Variants in PRDM16 observed in about 807,000 individuals in gnomAD.
PRDM16 encodes the protein histone-lysine N-methyltransferase PRDM16.
Under a neutral mutation model 110.6 loss-of-function variants are expected in PRDM16, and 23 were observed. That is an observed-to-expected ratio of 0.21 (90% confidence interval 0.15 to 0.29). The LOEUF is 0.29. PRDM16 is among the 10% of genes least tolerant of loss of function. PRDM16 has a pLI of 1.00. For synonymous variants in PRDM16, 799 were observed against 781.8 expected, an observed-to-expected ratio of 1.02 and a Z score of -0.37; for missense variants, 1,615 against 1,794.3, an observed-to-expected ratio of 0.90 and a Z score of 1.81.
chr1:3,239,653 G>A lies in PRDM16; in HGVS notation c.388-4434G>A, dbSNP rs1381135940. Among the ~76,000 whole-genome samples, 6 of 152,196 alleles carry A rather than the reference G, an allele frequency of 3.9e-5. No homozygotes were observed. In the East Asian group the frequency reaches 1.2e-3, roughly 29 times the overall value. ...AGCTACTTCAGAAATGGGCAAGAAA[G>A]AAAAGTAGGTTAGAACCAGCCACAG... On this transcript the variant is annotated intron_variant, in intron 2 of 16. Transcript: ENST00000270722.
chr1:3,292,745 G>T (rs1046799503), intron 3 of PRDM16, among the ~76,000 whole-genome samples: 1 of 152,216 alleles, frequency 6.6e-6, no homozygotes, highest in Non-Finnish European at 1.5e-5. Context: ...GAATTGGCGC[G>T]AAGGGAAGAA....
intron 2 of PRDM16, among the ~76,000 whole-genome samples, chr1:3,216,765 G>A (rs1271764888): frequency 1.3e-5 from 2 of 152,244 alleles, no homozygotes; most frequent in Non-Finnish European, 2.9e-5. Context: ...AACCATTCTT[G>A]ATATTGCAGA....
At chr1:3,282,454 A>G (rs974963005) in intron 3 of PRDM16, among the ~76,000 whole-genome samples, 3 of 152,154 alleles carry the variant, frequency 2.0e-5, no homozygotes, top group Non-Finnish European at 4.4e-5. Context: ...CCAGCGCCGC[A>G]GGGCCCCCTG....
At chr1:3,132,723 A>C (rs1643359408) in intron 1 of PRDM16, among the ~76,000 whole-genome samples, 2 of 152,358 alleles carry the variant, frequency 1.3e-5, no homozygotes, top group African/African-American at 4.8e-5. Flanking sequence ...TTCATTTAAA[A>C]TAGAAATTAT....
intron 2 of PRDM16, among the ~76,000 whole-genome samples, chr1:3,204,947 C>A (rs1289788456): frequency 6.6e-6 from 1 of 152,148 alleles, no homozygotes; most frequent in Non-Finnish European, 1.5e-5. Flanking sequence ...GCTGGGAAGG[C>A]CCCGCGGGAT....
At chr1:3,433,082 G>A (rs11583519) in intron 16 of PRDM16, among the ~76,000 whole-genome samples, 9 of 152,334 alleles carry the variant, frequency 5.9e-5, no homozygotes, top group African/African-American at 9.6e-5. Context: ...AACCAGACAC[G>A]TGTCTGTAGT....
At chr1:3,393,055 C>A (rs1415706808) in intron 4 of PRDM16, among the ~76,000 whole-genome samples, 1 of 152,202 alleles carries the variant, frequency 6.6e-6, no homozygotes, top group Non-Finnish European at 1.5e-5. Context: ...GTCTGTTTGG[C>A]ATCATTATTT....
intron 2 of PRDM16, among the ~76,000 whole-genome samples, chr1:3,197,051 C>T (rs1394776265): frequency 6.6e-6 from 1 of 152,200 alleles, no homozygotes. Flanking sequence ...TCCCCGGCCA[C>T]AGCTGCACGA....
intron 3 of PRDM16, among the ~76,000 whole-genome samples, chr1:3,293,207 G>T (rs1194302002): frequency 2.0e-5 from 3 of 152,252 alleles, no homozygotes; most frequent in Non-Finnish European, 2.9e-5. Flanking sequence ...ACCTGCCTCT[G>T]TAGAGGATCC....
At chr1:3,293,037 A>G (rs571114492) in intron 3 of PRDM16, among the ~76,000 whole-genome samples, 3 of 152,328 alleles carry the variant, frequency 2.0e-5, no homozygotes, top group Admixed American at 1.3e-4. Flanking sequence ...TTACTAGGAC[A>G]AGGGAACACA....
intron 1 of PRDM16, among the ~76,000 whole-genome samples, chr1:3,137,434 G>A (rs188770862): frequency 2.0e-5 from 3 of 152,324 alleles, no homozygotes; most frequent in East Asian, 1.9e-4. Flanking sequence ...CAGGGGACAC[G>A]ATGTCCTTTG....
intron 1 of PRDM16, among the ~76,000 whole-genome samples, chr1:3,161,321 G>A (rs557329018): frequency 2.6e-5 from 4 of 152,326 alleles, no homozygotes; most frequent in East Asian, 3.9e-4. Context: ...CCCCAGAGCC[G>A]GGGAGGGTTC....
At chr1:3,342,773 C>T (rs1430537467) in intron 3 of PRDM16, among the ~76,000 whole-genome samples, 3 of 152,124 alleles carry the variant, frequency 2.0e-5, no homozygotes, top group Admixed American at 1.3e-4. Context: ...TTCTTTTGTT[C>T]GACATGAGGA....
At chr1:3,241,192 G>A (rs1191483494) in intron 2 of PRDM16, among the ~76,000 whole-genome samples, 1 of 152,278 alleles carries the variant, frequency 6.6e-6, no homozygotes, top group East Asian at 1.9e-4. Flanking sequence ...AGGCGGTTCC[G>A]CAACGCGGCT....
At position 3,425,772 on chromosome 1, in the gene PRDM16, A is replaced by G; in HGVS notation, c.3109+22A>G. On this transcript the variant is annotated intron_variant, in intron 13 of 16. Transcript: ENST00000270722. The surrounding 1 kb of genome is among the most constrained non-coding windows in gnomAD (Gnocchi z 6.9). ...CCAGGTGGGCCACGCGGGGTGGGGC[A>G]GCCCCCAGAGCACCCACACGGGCAG... The G allele has an allele frequency of 6.2e-7, 1 of 1,612,134 alleles. No homozygotes were observed.
intron 3 of PRDM16, among the ~76,000 whole-genome samples, chr1:3,251,705 C>T (rs116461301): frequency 0.017 from 2,581 of 152,324 alleles, 76 homozygotes; most frequent in African/African-American, 0.059. Flanking sequence ...GGACACCTCT[C>T]GCAGGCGCCT....
chr1:3,399,131 GA>G (rs910595017), intron 5 of PRDM16, among the ~76,000 whole-genome samples: 7 of 152,224 alleles, frequency 4.6e-5, no homozygotes, highest in Non-Finnish European at 7.3e-5. Context: ...TCTTTCGTGA[GA>G]ACTTTTTGCT....
chr1:3,234,379 C>A (rs1639491637), intron 2 of PRDM16, among the ~76,000 whole-genome samples: 1 of 152,222 alleles, frequency 6.6e-6, no homozygotes, highest in Non-Finnish European at 1.5e-5. Flanking sequence ...CCCGCCCCAG[C>A]AGCTCAGGTC....
At chr1:3,186,081 T>A in intron 1 of PRDM16, 44 bp from the exon 2 acceptor site, 1 of 1,505,892 alleles carries the variant, frequency 6.6e-7, no homozygotes, top group Non-Finnish European at 9.2e-7. Flanking sequence ...ACACACTGGG[T>A]GGGGCACGTG....
Sources: gnomAD v4.1 joint callset for allele counts (sites outside exome capture counted in the v4.1 genomes callset) on GRCh38, gnomAD v4.1.1 for gene constraint, Gnocchi (gnomAD v3.1) non-coding constraint, MANE v1.5 for transcripts, NCBI Gene and HGNC (gene_info 2026-07-23, HGNC 2026-07-21) for gene names.